The following NUDC variants were observed in gnomAD, a reference collection of about 807,000 sequenced individuals.
NUDC encodes the protein nuclear distribution C, dynein complex regulator, also known as nuclear migration protein nudC.
Under a neutral mutation model 45.0 loss-of-function variants are expected in NUDC, and 14 were observed. That is an observed-to-expected ratio of 0.31 (90% CI 0.21 to 0.49). The LOEUF (loss-of-function observed/expected upper bound fraction) is 0.49. Among genes scored for constraint, NUDC ranks in the 20% least tolerant of loss-of-function variants. NUDC has a pLI of 0.99. For synonymous variants in NUDC, 153 were observed against 156.7 expected (o/e 0.98, Z 0.17); for missense variants, 323 against 426.2 (o/e 0.76, Z 2.13).
rs35434739 is a variant in NUDC at position 26,941,539 on chromosome 1, G to A, written c.242G>A (p.Arg81Gln). The A allele has an allele frequency of 1.7e-4, 269 of 1,611,862 alleles. No homozygotes were observed. Among genetic ancestry groups the A allele is most frequent in the Non-Finnish European group, 2.1e-4 (249 of 1,179,290 alleles). ...AAGAGAGCCCGGCAGGAGGCCGAGC[G>A]GCGGGAGAAGGCGGAGCGGGCGGCC... ...REKRARQEAE[R>Q]REKAERAARL... Residue 81 changes from arginine (R) to glutamine (Q), a missense_variant, in exon 3 of 9, where the codon CGG becomes CAG. Coordinates refer to ENST00000321265, the MANE Select transcript of NUDC (RefSeq NM_006600.4).
At chr1:26,921,678 G>T (rs1381825168), upstream of NUDC, 2 of 683,064 alleles carry the variant, frequency 2.9e-6, no homozygotes, top group Non-Finnish European at 5.0e-6. Flanking sequence ...CCGGGAGGAA[G>T]GCGGGAAGAG....
At chr1:26,901,904 TC>T (rs2081980975) in intron 1 of NUDC, among the ~76,000 whole-genome samples, 1 of 151,998 alleles carries the variant, frequency 6.6e-6, no homozygotes. Context: ...TGTAGGAGGA[TC>T]CCTTGAGCTT....
At chr1:26,911,122 C>G (rs529099102) in intron 2 of NUDC, 1 of 471,092 alleles carries the variant, frequency 2.1e-6, no homozygotes, top group South Asian at 1.5e-5. Flanking sequence ...CTTTTGTCAT[C>G]TGCAGGAATG....
intron 2 of NUDC, among the ~76,000 whole-genome samples, chr1:26,927,220 TCCCAGCTGGAGCACA>T (rs1379483135): frequency 4.9e-5 from 6 of 121,650 alleles, no homozygotes; most frequent in African/African-American, 2.1e-4. Context: ...TGCTCTGTTG[TCCCAGCTGGAGCACA>T]GTGGCTGTAA....
chr1:26,945,367 C>T lies in NUDC; in HGVS notation c.742-23C>T, dbSNP rs373290499. 39 of 1,608,562 alleles carry T rather than the reference C, an allele frequency of 2.4e-5. No homozygotes were observed. In the African/African-American group the frequency reaches 4.5e-4, roughly 19 times the overall value. On this transcript the variant is annotated intron_variant, in intron 6 of 8. Coordinates refer to ENST00000321265, the MANE Select transcript of NUDC (RefSeq NM_006600.4). Reference sequence around the variant, plus strand: ...GGTGCACAGAGCAGGCCACCTCCCACCCTCTGGTTGTTCTCTTCACAGATC... The same window carrying T: ...GGTGCACAGAGCAGGCCACCTCCCATCCTCTGGTTGTTCTCTTCACAGATC...
upstream of NUDC, chr1:26,921,695 T>C (rs2082091576): frequency 2.7e-6 from 2 of 746,546 alleles, no homozygotes; most frequent in Non-Finnish European, 4.5e-6. Context: ...AGAGAGGAGG[T>C]GGAGGCGGGC....
At chr1:26,918,408 G>A (rs923884757), upstream of NUDC, among the ~76,000 whole-genome samples, 1 of 151,464 alleles carries the variant, frequency 6.6e-6, no homozygotes, top group African/African-American at 2.4e-5. Context: ...TGAGTAGCTG[G>A]GACTACAGGC....
At chr1:26,943,272 T>C (rs1219154646) in intron 6 of NUDC, among the ~76,000 whole-genome samples, 1 of 152,122 alleles carries the variant, frequency 6.6e-6, no homozygotes. Context: ...CAGTAACACC[T>C]TCTTAGCTCA....
At chr1:26,902,933 C>T (rs144553286) in intron 2 of NUDC, among the ~76,000 whole-genome samples, 330 of 152,070 alleles carry the variant, frequency 2.2e-3, no homozygotes, top group African/African-American at 7.3e-3. Context: ...CCTGTAATCT[C>T]AGCTCCTCAG....
chr1:26,938,604 G>A (rs1029229876), intron 2 of NUDC, among the ~76,000 whole-genome samples: 1 of 152,042 alleles, frequency 6.6e-6, no homozygotes, highest in African/African-American at 2.4e-5. Context: ...GTGTGGCATG[G>A]GACAGGGGGT....
At chr1:26,906,866 TAAAA>T (rs2082005082) in intron 2 of NUDC, among the ~76,000 whole-genome samples, 1 of 151,342 alleles carries the variant, frequency 6.6e-6, no homozygotes, top group South Asian at 2.1e-4. Flanking sequence ...ATAATAATAA[TAAAA>T]ATAAATAAAT....
chr1:26,943,700 A>T (rs1001081149), intron 6 of NUDC, among the ~76,000 whole-genome samples: 2 of 152,220 alleles, frequency 1.3e-5, no homozygotes, highest in African/African-American at 4.8e-5. Context: ...AGTGAACAAA[A>T]CATAGGAAAA....
At chr1:26,917,706 G>A (rs2082068454), upstream of NUDC, among the ~76,000 whole-genome samples, 1 of 152,008 alleles carries the variant, frequency 6.6e-6, no homozygotes, top group African/African-American at 2.4e-5. Flanking sequence ...TGGCCAACAT[G>A]GTAAAACTGT....
At chr1:26,905,705 A>G (rs193135135) in intron 2 of NUDC, among the ~76,000 whole-genome samples, 6 of 152,116 alleles carry the variant, frequency 3.9e-5, no homozygotes, top group African/African-American at 1.4e-4. Flanking sequence ...CTCACAGAGG[A>G]ATCTTGATGG....
chr1:26,930,502 A>C (rs1204490974), intron 2 of NUDC, among the ~76,000 whole-genome samples: 2 of 152,190 alleles, frequency 1.3e-5, no homozygotes, highest in Admixed American at 1.3e-4. Context: ...ACTTGAGGCC[A>C]GGTGTTCAAG....
chr1:26,905,097 C>T (rs999440027), intron 2 of NUDC, among the ~76,000 whole-genome samples: 1 of 150,288 alleles, frequency 6.7e-6, no homozygotes, highest in African/African-American at 2.4e-5. Flanking sequence ...CTCGGCCTCC[C>T]AAAGTGCTGG....
intron 2 of NUDC, among the ~76,000 whole-genome samples, chr1:26,905,815 A>G (rs1400184761): frequency 6.6e-6 from 1 of 152,158 alleles, no homozygotes; most frequent in Non-Finnish European, 1.5e-5. Flanking sequence ...AGTTTGGCAC[A>G]TTGGCACATC....
At chr1:26,924,358 C>T (rs2082114827) in intron 2 of NUDC, among the ~76,000 whole-genome samples, 192 bp downstream of exon 2, 1 of 152,144 alleles carries the variant, frequency 6.6e-6, no homozygotes, top group South Asian at 2.1e-4. Flanking sequence ...CCTTATTTCC[C>T]ATGACTTTTG....
At position 26,924,168 on chromosome 1, in the gene NUDC, T is replaced by G; in HGVS notation, c.159+2T>G. The stretch of plus-strand genomic sequence containing the variant: ...GGAGAAGAAGGGATGGCAGAGAAGG[T>G]AAGTGTTGGAAACCACTGTCCTTTG... On this transcript the variant is annotated splice_donor_variant, in intron 2 of 8. Transcript: ENST00000321265. LOFTEE classifies it high-confidence loss of function. 6.2e-7 allele frequency: 1 copy of G among 1,613,820 alleles called. No homozygotes were observed. Among genetic ancestry groups the G allele is most frequent in the Non-Finnish European group, 8.5e-7 (1 of 1,179,740 alleles).
Sources: allele counts gnomAD v4.1 joint callset (sites outside exome capture counted in the v4.1 genomes callset), GRCh38; gene constraint gnomAD v4.1.1; transcripts MANE v1.5; gene names NCBI Gene and HGNC (gene_info 2026-07-23, HGNC 2026-07-21).